Variants in GSE1 observed in about 807,000 individuals in gnomAD.
GSE1 encodes the protein genetic suppressor element 1.
In GSE1, 32 loss-of-function variants were observed where a neutral mutation model predicts 112.6. The ratio of observed to expected loss-of-function variants is 0.28; its 90% CI spans 0.21 to 0.38. GSE1 has a LOEUF of 0.38. Ranked by LOEUF, GSE1 falls within the 10% of genes least tolerant of loss-of-function variation. The pLI, the probability that GSE1 is intolerant of heterozygous loss-of-function variation, is 1.00. For synonymous variants in GSE1, 1,115 were observed against 735.6 expected, an observed-to-expected ratio of 1.52 and a Z score of -8.35; for missense variants, 2,348 against 1,699.2, an observed-to-expected ratio of 1.38 and a Z score of -6.71.
At chr16:85,408,552 C>A (rs1486021593) in intron 2 of GSE1, among the ~76,000 whole-genome samples, 1 of 30,162 alleles carries the variant, frequency 3.3e-5, no homozygotes, top group Non-Finnish European at 6.6e-5. Context: ...ACACTCAGGG[C>A]CCCCCGGATA....
intron 1 of GSE1, among the ~76,000 whole-genome samples, chr16:85,233,961 C>T (rs1258950041): frequency 1.3e-5 from 2 of 152,192 alleles, no homozygotes; most frequent in African/African-American, 2.4e-5. Context: ...CAGAAGGCGG[C>T]TCCTCAAACC....
intron 2 of GSE1, among the ~76,000 whole-genome samples, chr16:85,370,002 G>T: frequency 6.6e-6 from 1 of 152,304 alleles, no homozygotes; most frequent in African/African-American, 2.4e-5. Context: ...CCCCTTGAGA[G>T]GGTGGCCTCA....
At chr16:85,219,343 A>T (rs2075354809) in intron 1 of GSE1, among the ~76,000 whole-genome samples, 3 of 152,312 alleles carry the variant, frequency 2.0e-5, no homozygotes, top group South Asian at 2.1e-4. Flanking sequence ...TGGGTTTTTT[A>T]AAAAAATGAA....
intron 1 of GSE1, among the ~76,000 whole-genome samples, chr16:85,174,220 C>T (rs2074415567): frequency 6.6e-6 from 1 of 152,156 alleles, no homozygotes; most frequent in Non-Finnish European, 1.5e-5. Context: ...TTGGAGTGAA[C>T]TCCAGGCCTT....
chr16:85,654,656 C>A, intron 4 of GSE1, 138 bp from the exon 5 acceptor site: 1 of 730,874 alleles, frequency 1.4e-6, no homozygotes, highest in Non-Finnish European at 2.3e-6. Flanking sequence ...GCTGCTTAAG[C>A]CCCGTCCTCG....
chr16:85,497,996 C>T (rs893036605), intron 2 of GSE1, among the ~76,000 whole-genome samples: 28 of 151,984 alleles, frequency 1.8e-4, no homozygotes, highest in South Asian at 4.1e-4. Context: ...AGGGACCCCA[C>T]GCCCTGACCA....
intron 1 of GSE1, among the ~76,000 whole-genome samples, chr16:85,622,029 T>G (rs963843065): frequency 6.6e-6 from 1 of 152,178 alleles, no homozygotes; most frequent in Admixed American, 6.5e-5. Context: ...AGTTCCTCAC[T>G]GGGATTCTGG....
chr16:85,646,089 ACGC>A (rs2050840104), intron 2 of GSE1, among the ~76,000 whole-genome samples: 1 of 126,772 alleles, frequency 7.9e-6, no homozygotes, highest in Non-Finnish European at 1.6e-5. Flanking sequence ...TGCTTCTACC[ACGC>A]TTCCTATGCA....
intron 2 of GSE1, among the ~76,000 whole-genome samples, chr16:85,641,155 C>T (rs958701049): frequency 6.6e-6 from 1 of 152,246 alleles, no homozygotes; most frequent in Non-Finnish European, 1.5e-5. Context: ...CTGTGCCTCC[C>T]TGCAGCCCCT....
chr16:85,438,353 C>T (rs1259535268), intron 2 of GSE1, among the ~76,000 whole-genome samples: 2 of 152,148 alleles, frequency 1.3e-5, no homozygotes, highest in Non-Finnish European at 2.9e-5. Flanking sequence ...GGAGTGGTGG[C>T]CTCTGGGGAG....
intron 1 of GSE1, among the ~76,000 whole-genome samples, chr16:85,288,291 T>C (rs1250055475): frequency 6.6e-6 from 1 of 152,078 alleles, no homozygotes; most frequent in African/African-American, 2.4e-5. Flanking sequence ...CTACGCACTT[T>C]GACATTTAAA....
chr16:85,301,633 G>A (rs754952945), intron 1 of GSE1, among the ~76,000 whole-genome samples: 2 of 152,184 alleles, frequency 1.3e-5, no homozygotes, highest in Non-Finnish European at 2.9e-5. Flanking sequence ...CTTTCTAATG[G>A]ACATCTGTCC....
At chr16:85,175,532 C>G (rs34692806) in intron 1 of GSE1, among the ~76,000 whole-genome samples, 4 of 152,270 alleles carry the variant, frequency 2.6e-5, no homozygotes, top group African/African-American at 9.6e-5. Flanking sequence ...GCGCCTGGCT[C>G]GCAGTGGGGT....
intron 2 of GSE1, among the ~76,000 whole-genome samples, chr16:85,421,070 G>A (rs1281311106): frequency 6.6e-6 from 1 of 152,244 alleles, no homozygotes; most frequent in Non-Finnish European, 1.5e-5. Context: ...GGGGGCGTTG[G>A]GAGGATTAAA....
At chr16:85,199,518 C>T (rs2143536857) in intron 1 of GSE1, among the ~76,000 whole-genome samples, 1 of 152,272 alleles carries the variant, frequency 6.6e-6, no homozygotes, top group Middle Eastern at 3.4e-3. Context: ...TGTCCAGCTG[C>T]GTTTAATTTA....
At chr16:85,396,990 G>A (rs534987190) in intron 2 of GSE1, among the ~76,000 whole-genome samples, 2 of 152,338 alleles carry the variant, frequency 1.3e-5, no homozygotes, top group Non-Finnish European at 2.9e-5. Flanking sequence ...GAGAGCAAAC[G>A]TGAAAAGCAG....
At chr16:85,358,163 G>T (rs958002992) in intron 2 of GSE1, among the ~76,000 whole-genome samples, 1 of 152,152 alleles carries the variant, frequency 6.6e-6, no homozygotes. Flanking sequence ...CCACTCCAAG[G>T]CATCCTCAGA....
chr16:85,521,843 G>T (rs2052197286), intron 2 of GSE1, among the ~76,000 whole-genome samples: 1 of 152,214 alleles, frequency 6.6e-6, no homozygotes, highest in Non-Finnish European at 1.5e-5. Flanking sequence ...AGCCCAGGGG[G>T]TCGTGGAGGG....
chr16:85,672,464 G>C lies in GSE1; in HGVS notation c.3579G>C (p.Leu1193=). ...VSERERLQAE[L]DHLRKCLALP... ...AAAGGGAGCGGCTCCAGGCAGAACTGGACCACTTACGAAAGTGCCTTGCCT... is the reference window on the plus strand; with the variant it reads ...AAAGGGAGCGGCTCCAGGCAGAACTCGACCACTTACGAAAGTGCCTTGCCT... Residue 1193 remains leucine, a synonymous_variant, in exon 16 of 16, where the codon CTG becomes CTC. Transcript: ENST00000253458. The C allele has an allele frequency of 6.2e-7, 1 of 1,610,346 alleles. No homozygotes were observed. Among genetic ancestry groups the C allele is most frequent in the Non-Finnish European group, 8.5e-7 (1 of 1,176,892 alleles).
Sources: gnomAD v4.1 joint callset for allele counts (sites outside exome capture counted in the v4.1 genomes callset) on GRCh38, gnomAD v4.1.1 for gene constraint, MANE v1.5 for transcripts, NCBI Gene and HGNC (gene_info 2026-07-23, HGNC 2026-07-21) for gene names.